The following ENO4 variants were observed in gnomAD, a reference collection of about 807,000 sequenced individuals.
ENO4 encodes the protein 2-phospho-D-glycerate hydro-lyase.
In ENO4, 53 loss-of-function variants were observed where a neutral mutation model predicts 63.2. That is an observed-to-expected ratio of 0.84 (90% confidence interval 0.67 to 1.05). The LOEUF (loss-of-function observed/expected upper bound fraction) is 1.05, where lower values mean the gene tolerates loss of function less well. Ranked by LOEUF, ENO4 falls within the 50% of genes least tolerant of loss-of-function variation. The probability of loss-of-function intolerance (pLI) is 0.00; values close to 1 mark genes in which losing one functional copy is unlikely to be tolerated. For synonymous variants in ENO4, 266 were observed against 283.8 expected (o/e 0.94, Z 0.63); for missense variants, 719 against 772.0 (o/e 0.93, Z 0.81).
chr10:116,890,790 T>C (rs990619373), intron 10 of ENO4, among the ~76,000 whole-genome samples: 2 of 152,204 alleles, frequency 1.3e-5, no homozygotes, highest in African/African-American at 4.8e-5. Context: ...CTCCAAACCA[T>C]ACTGGTACCA....
In ENO4 at chr10:116,881,642, A is replaced by G. The variant is rs1385174823; in HGVS notation, c.1851A>G (p.Ser617=). ...TCCCCACACAAGGTGTAGAGGAATC[A>G]GCCGAAACAGGAGCATCCTCTGGAT... ...PTFPTQGVEE[S]AETGASSG is the part of the protein sequence containing the mutation. The change falls in exon 14 of 14, where the codon TCA becomes TCG. Residue 617 remains serine, a synonymous_variant. Coordinates refer to ENST00000341276, the MANE Select transcript of ENO4 (RefSeq NM_001242699.2). 6.5e-7 allele frequency: 1 copy of G among 1,547,648 alleles called. No individual in the cohort carries two copies. The highest frequency in any genetic ancestry group is 2.0e-5 in the Admixed American group (1 of 50,570).
intron 10 of ENO4, among the ~76,000 whole-genome samples, chr10:116,888,994 G>A (rs1230310436): frequency 6.6e-6 from 1 of 152,222 alleles, no homozygotes; most frequent in Non-Finnish European, 1.5e-5. Flanking sequence ...TCTTGGGCCT[G>A]GGCCCACTCT....
At chr10:116,850,550 A>C (rs1846048565) in intron 1 of ENO4, among the ~76,000 whole-genome samples, 1 of 152,016 alleles carries the variant, frequency 6.6e-6, no homozygotes. Context: ...AGGAGTTTGC[A>C]CTATGGCAAG....
At chr10:116,901,066 G>C in intron 10 of ENO4, 1 of 985,380 alleles carries the variant, frequency 1.0e-6, no homozygotes, top group Non-Finnish European at 1.2e-6. Flanking sequence ...ATATTCGGCT[G>C]ATCTGATTTG....
intron 7 of ENO4, among the ~76,000 whole-genome samples, chr10:116,867,408 C>T (rs1459802923): frequency 3.7e-5 from 3 of 81,222 alleles, no homozygotes; most frequent in East Asian, 3.1e-4. Context: ...CCTGTCTCTA[C>T]AAAAATATTT....
chr10:116,888,755 A>G (rs1054816047), intron 10 of ENO4, among the ~76,000 whole-genome samples: 9 of 152,206 alleles, frequency 5.9e-5, no homozygotes, highest in Admixed American at 2.6e-4. Flanking sequence ...TGCACAAGCT[A>G]TAACAGAGCC....
In ENO4 at chr10:116,853,850, C is replaced by A. The variant is rs371576182; in HGVS notation, c.166-1773C>A. Among the ~76,000 whole-genome samples, 22 of 152,194 alleles carry A rather than the reference C, an allele frequency of 1.4e-4. No individual in the cohort carries two copies. The East Asian group carries it at 2.3e-3, about 16-fold the overall frequency. On this transcript the variant is annotated intron_variant, in intron 1 of 13. Coordinates refer to ENST00000341276, the MANE Select transcript of ENO4 (RefSeq NM_001242699.2). ...CATGTCGCTGTGGGTATTAGATGAC[C>A]TGTTGTCCAGGTTGAAGTCACTGGA...
rs576846473 is a variant in ENO4, at chr10:116,881,845, T to TTCTA, written c.*179_*180insATCT. 230 of 476,218 alleles carry TTCTA rather than the reference T, an allele frequency of 4.8e-4. 4 individuals carry two copies. In the South Asian group the frequency reaches 0.019, roughly 39 times the overall value. The allele number at this position is 476,218 out of a possible 1,614,324, so 29.5% of individuals were successfully genotyped here. A position where few individuals can be genotyped will look rare whatever the true frequency, so the allele number is the denominator to read the frequency against. ...ACATATATGATGTTTTTGCCTGAAA[T>TTCTA]TCTGTGAACTTCGTTTTGCAGCCAC... On this transcript the variant is annotated 3_prime_UTR_variant, in exon 14 of 14. Coordinates refer to ENST00000341276, the MANE Select transcript of ENO4 (RefSeq NM_001242699.2).
rs750093914 is a variant in ENO4 at position 116,849,779 on chromosome 10, C to T, written c.165+48C>T. The T allele has an allele frequency of 5.0e-4, 737 of 1,465,196 alleles. 2 individuals carry two copies. Among genetic ancestry groups the T allele is most frequent in the South Asian group, 1.1e-3 (75 of 70,794 alleles). 90.8% of individuals were successfully genotyped at this position (1,465,196 alleles called of 1,614,324 possible). A position where few individuals can be genotyped will look rare whatever the true frequency, so the allele number is the denominator to read the frequency against. ...CTCCTCCCGCCAACCCCTCTCCCCC[C>T]GCCCCGCGCTGCGGCAACGCCTTGC... On this transcript the variant is annotated intron_variant, in intron 1 of 13. Transcript: ENST00000341276.
At chr10:116,854,008 C>G (rs1027474040) in intron 1 of ENO4, among the ~76,000 whole-genome samples, 2 of 152,218 alleles carry the variant, frequency 1.3e-5, no homozygotes, top group African/African-American at 4.8e-5. Flanking sequence ...TCCTGCTCCT[C>G]TGCACAGAAA....
exon 11 of ENO4, chr10:116,911,758 TAGCTAAA>T: frequency 6.3e-7 from 1 of 1,590,280 alleles, no homozygotes; most frequent in Non-Finnish European, 8.6e-7. Flanking sequence ...ATTTCCCCAT[TAGCTAAA>T]CAATAAACTG....
intron 11 of ENO4, among the ~76,000 whole-genome samples, chr10:116,878,934 G>A (rs1321969269): frequency 3.3e-5 from 5 of 151,796 alleles, no homozygotes; most frequent in South Asian, 4.2e-4. Context: ...TAGTAGAGAC[G>A]GGGTTTCACC....
intron 10 of ENO4, chr10:116,902,076 T>C: frequency 1.2e-6 from 1 of 851,990 alleles, no homozygotes; most frequent in South Asian, 1.9e-5. Context: ...TTTGTTAAAA[T>C]TTCAAGAGCA....
chr10:116,871,062 C>T lies in ENO4; in HGVS notation c.1048-63C>T, dbSNP rs533304526. The T allele has an allele frequency of 3.5e-5, 50 of 1,417,904 alleles. No homozygotes were observed. The East Asian group carries it at 1.0e-3, about 28-fold the overall frequency. The allele number at this position is 1,417,904 out of a possible 1,614,324, so 87.8% of individuals were successfully genotyped here. A position where few individuals can be genotyped will look rare whatever the true frequency, so the allele number is the denominator to read the frequency against. ...ATCTGATCATAAACCATGCTTATCA[C>T]AGGAAGCGCCAAGAACCTTAATGTG... On this transcript the variant is annotated intron_variant, in intron 8 of 13. Coordinates refer to ENST00000341276, the MANE Select transcript of ENO4 (RefSeq NM_001242699.2).
chr10:116,877,394 G>T (rs1341006594), intron 11 of ENO4, among the ~76,000 whole-genome samples: 1 of 152,186 alleles, frequency 6.6e-6, no homozygotes. Context: ...ACATCAGTCA[G>T]CCATTTTAAT....
At chr10:116,892,332 C>T (rs1156809046) in intron 10 of ENO4, among the ~76,000 whole-genome samples, 5 of 152,226 alleles carry the variant, frequency 3.3e-5, no homozygotes, top group African/African-American at 1.2e-4. Context: ...AAAAGCAACA[C>T]TGACAATGCG....
chr10:116,859,181 T>G (rs1394177224), intron 4 of ENO4, 43 bp downstream of exon 4: 2 of 1,480,140 alleles, frequency 1.4e-6, no homozygotes, highest in South Asian at 2.7e-5. Flanking sequence ...GTAACAAATG[T>G]GTGAGGAAGA....
At chr10:116,869,293 T>C (rs1846628457) in intron 8 of ENO4, among the ~76,000 whole-genome samples, 1 of 152,166 alleles carries the variant, frequency 6.6e-6, no homozygotes, top group South Asian at 2.1e-4. Context: ...CGCTGATAGA[T>C]GTATCTATTA....
intron 10 of ENO4, among the ~76,000 whole-genome samples, chr10:116,896,810 T>C (rs2133313595): frequency 6.6e-6 from 1 of 150,532 alleles, no homozygotes; most frequent in Admixed American, 6.6e-5. Context: ...ACTTTTTTTT[T>C]TTTTTTTTTT....
Sources: allele counts gnomAD v4.1 joint callset (sites outside exome capture counted in the v4.1 genomes callset), GRCh38; gene constraint gnomAD v4.1.1; transcripts MANE v1.5; gene names NCBI Gene and HGNC (gene_info 2026-07-23, HGNC 2026-07-21).